The following BAZ2B variants were observed in gnomAD, a reference collection of about 807,000 sequenced individuals.
BAZ2B encodes bromodomain adjacent to zinc finger domain protein 2B.
BAZ2B carries 91 observed loss-of-function variants against 246.0 expected under a neutral mutation model. That is an observed-to-expected ratio of 0.37 (90% CI 0.31 to 0.44). The LOEUF is 0.44. Among genes scored for constraint, BAZ2B ranks in the 20% least tolerant of loss-of-function variants. The probability of loss-of-function intolerance (pLI) is 1.00; values close to 1 mark genes in which losing one functional copy is unlikely to be tolerated. For missense variants in BAZ2B, 2,332 were observed against 2,533.7 expected (o/e 0.92, Z 1.71); for synonymous variants, 855 against 860.0 (o/e 0.99, Z 0.10).
chr2:159,537,288 G>A (rs1449916177), intron 2 of BAZ2B, among the ~76,000 whole-genome samples: 2 of 152,240 alleles, frequency 1.3e-5, no homozygotes, highest in African/African-American at 2.4e-5. Flanking sequence ...TGTTTAATGT[G>A]CATAGACTTT....
the BAZ2B span, among the ~76,000 whole-genome samples, chr2:159,704,945 G>A: frequency 8.9e-4 from 135 of 151,540 alleles, no homozygotes; most frequent in Middle Eastern, 0.044. Flanking sequence ...CTCGTGATCC[G>A]CCCAGTTCGG....
chr2:159,650,529 G>GT, the BAZ2B span, among the ~76,000 whole-genome samples: 1 of 152,248 alleles, frequency 6.6e-6, no homozygotes, highest in East Asian at 1.9e-4. Context: ...TCCTATTCCT[G>GT]TGAGAACTGC....
chr2:159,367,563 CATT>C (rs2060350520), intron 27 of BAZ2B, among the ~76,000 whole-genome samples: 1 of 152,094 alleles, frequency 6.6e-6, no homozygotes, highest in Non-Finnish European at 1.5e-5. Context: ...ATTAAGAACA[CATT>C]ATACTTTTAA....
At chr2:159,451,082 C>T (rs1359559435) in intron 4 of BAZ2B, among the ~76,000 whole-genome samples, 1 of 152,092 alleles carries the variant, frequency 6.6e-6, no homozygotes, top group African/African-American at 2.4e-5. Flanking sequence ...CATAACAGAT[C>T]TCAATTTGAA....
At chr2:159,623,446 T>A in the BAZ2B span, among the ~76,000 whole-genome samples, 3 of 152,020 alleles carry the variant, frequency 2.0e-5, no homozygotes, top group African/African-American at 7.3e-5. Flanking sequence ...GAAATGCCCC[T>A]TAAATAAAAA....
chr2:159,709,905 C>G, the BAZ2B span, among the ~76,000 whole-genome samples: 1 of 152,132 alleles, frequency 6.6e-6, no homozygotes, highest in Admixed American at 6.5e-5. Flanking sequence ...AAGATGCTAA[C>G]TTAGAGAAGA....
At chr2:159,535,365 T>C (rs1193237850) in intron 2 of BAZ2B, among the ~76,000 whole-genome samples, 1 of 143,760 alleles carries the variant, frequency 7.0e-6, no homozygotes, top group Non-Finnish European at 1.5e-5. Context: ...CCACTAAAAA[T>C]GCAAAAATTA....
At chr2:159,461,064 A>G (rs1007260255) in intron 3 of BAZ2B, 1 of 152,612 alleles carries the variant, frequency 6.6e-6, no homozygotes, top group Non-Finnish European at 1.5e-5. Context: ...ACACAGCTCA[A>G]TGGGTACTTG....
At chr2:159,645,321 A>G in the BAZ2B span, among the ~76,000 whole-genome samples, 1 of 151,642 alleles carries the variant, frequency 6.6e-6, no homozygotes, top group East Asian at 1.9e-4. Flanking sequence ...ACCCAATTTC[A>G]TTGCTTAAAA....
At chr2:159,554,898 C>T (rs1318775521) in intron 2 of BAZ2B, among the ~76,000 whole-genome samples, 1 of 151,906 alleles carries the variant, frequency 6.6e-6, no homozygotes, top group Admixed American at 6.6e-5. Flanking sequence ...GAAATTAACA[C>T]TTAAAATAAA....
intron 2 of BAZ2B, among the ~76,000 whole-genome samples, chr2:159,547,908 A>G (rs1341385804): frequency 1.3e-5 from 2 of 152,188 alleles, no homozygotes; most frequent in African/African-American, 2.4e-5. Flanking sequence ...AGCTAAACTT[A>G]TATCTGTGCA....
chr2:159,325,047 ATATATATATATATT>A (rs1558941194), intron 35 of BAZ2B, 93 bp from the exon 36 acceptor site: 1 of 7,140 alleles, frequency 1.4e-4, no homozygotes, highest in African/African-American at 4.2e-4. Flanking sequence ...TATATATTAT[ATATATATATATATT>A]ATATATATAT....
intron 2 of BAZ2B, among the ~76,000 whole-genome samples, chr2:159,490,698 TA>T (rs1559599618): frequency 1.3e-5 from 2 of 151,976 alleles, no homozygotes. Flanking sequence ...ATTTTTTTTT[TA>T]TTTTTATTTT....
At position 159,343,752 on chromosome 2, in the gene BAZ2B, C is replaced by T. The variant is rs572924112; in HGVS notation, c.5454+3734G>A. 4.8e-4 allele frequency among the ~76,000 whole-genome samples: 73 copies of T among 152,152 alleles called. 1 individual carries two copies. Among genetic ancestry groups the T allele is most frequent in the African/African-American group, 1.6e-3 (68 of 41,520 alleles). Reference sequence around the variant, plus strand: ...ATCAAAAAGAAAAAAAACGGCCGGGCGCCGTGGCTCACATCTGTAATCCCA... The same window carrying T: ...ATCAAAAAGAAAAAAAACGGCCGGGTGCCGTGGCTCACATCTGTAATCCCA... On this transcript the variant is annotated intron_variant, in intron 31 of 36. Coordinates refer to ENST00000392783, the MANE Select transcript of BAZ2B (RefSeq NM_013450.4).
At chr2:159,519,226 T>TC (rs1169863620) in intron 2 of BAZ2B, among the ~76,000 whole-genome samples, 5 of 48,122 alleles carry the variant, frequency 1.0e-4, no homozygotes, top group African/African-American at 3.5e-4. Context: ...TTTTTTTTTT[T>TC]TTTTTTTTTT....
Position 159,588,371 on chromosome 2 carries a change from A to G in BAZ2B, c.-46+27871T>C, listed in dbSNP as rs559017587. Among the ~76,000 whole-genome samples, 6 of 152,194 alleles carry G rather than the reference A, an allele frequency of 3.9e-5. No homozygotes were observed. In the East Asian group the frequency reaches 1.2e-3, roughly 29 times the overall value. The stretch of plus-strand genomic sequence containing the variant: ...AATCATCTCAACCAACAATAACTCC[A>G]AAATAGGCTGGGTATAGTGGTTCAT... On this transcript the variant is annotated intron_variant, in intron 1 of 36. Transcript: ENST00000392783.
rs187872610 is a variant in BAZ2B at position 159,420,890 on chromosome 2, C to T, written c.2466+7051G>A. ...CCGTAGGAAATTTATTTACCTTACA[C>T]CATTTTCAAAGGTGTTTCTTAAACT... is the stretch of plus-strand genomic sequence containing the variant. On this transcript the variant is annotated intron_variant, in intron 13 of 36. Coordinates refer to ENST00000392783, the MANE Select transcript of BAZ2B (RefSeq NM_013450.4). 2.1e-4 allele frequency among the ~76,000 whole-genome samples: 32 copies of T among 152,204 alleles called. No homozygotes were observed. The East Asian group carries it at 6.0e-3, about 28-fold the overall frequency.
At chr2:159,493,286 C>G (rs1004922222) in intron 2 of BAZ2B, among the ~76,000 whole-genome samples, 1 of 152,126 alleles carries the variant, frequency 6.6e-6, no homozygotes, top group Non-Finnish European at 1.5e-5. Context: ...AAAAGTCACA[C>G]TAGCCATATT....
At chr2:159,336,735 A>G (rs1438431588) in intron 33 of BAZ2B, among the ~76,000 whole-genome samples, 1 of 152,212 alleles carries the variant, frequency 6.6e-6, no homozygotes, top group Non-Finnish European at 1.5e-5. Flanking sequence ...AGGCAGAAGC[A>G]AGATTTTAAA....
Sources: gnomAD v4.1 joint callset for allele counts (sites outside exome capture counted in the v4.1 genomes callset) on GRCh38, gnomAD v4.1.1 for gene constraint, MANE v1.5 for transcripts, NCBI Gene and HGNC (gene_info 2026-07-23, HGNC 2026-07-21) for gene names.